TMEM132B: variants seen among roughly 807,000 people sequenced by gnomAD.
TMEM132B encodes the protein transmembrane protein 132B.
Under a neutral mutation model 90.8 loss-of-function variants are expected in TMEM132B, and 18 were observed. The observed-to-expected ratio is 0.20, with a 90% CI of 0.14 to 0.29. TMEM132B has a LOEUF of 0.29. Ranked by LOEUF, TMEM132B falls within the 10% of genes least tolerant of loss-of-function variation. The probability of loss-of-function intolerance (pLI) is 1.00; values close to 1 mark genes in which losing one functional copy is unlikely to be tolerated. For synonymous variants in TMEM132B, 504 were observed against 523.3 expected (o/e 0.96, Z 0.50); for missense variants, 1,096 against 1,326.8 (o/e 0.83, Z 2.70).
At chr12:125,375,536 T>C (rs1208124982) in intron 2 of TMEM132B, among the ~76,000 whole-genome samples, 1 of 152,232 alleles carries the variant, frequency 6.6e-6, no homozygotes, top group Non-Finnish European at 1.5e-5. Context: ...ATGAAAAAGT[T>C]ACATCAGGAT....
chr12:125,309,824 C>T (rs925657423), intron 1 of TMEM132B, among the ~76,000 whole-genome samples: 2 of 152,210 alleles, frequency 1.3e-5, no homozygotes, highest in African/African-American at 4.8e-5. Context: ...ATTTATTTTG[C>T]TCACTAGTTT....
At chr12:125,367,332 G>A (rs570721439) in intron 2 of TMEM132B, among the ~76,000 whole-genome samples, 3 of 152,180 alleles carry the variant, frequency 2.0e-5, no homozygotes, top group African/African-American at 7.2e-5. Context: ...GTTTCAGCAG[G>A]CAATTAATTT....
intron 1 of TMEM132B, among the ~76,000 whole-genome samples, chr12:125,192,392 AC>A (rs1477616659): frequency 6.6e-6 from 1 of 152,156 alleles, no homozygotes; most frequent in Non-Finnish European, 1.5e-5. Context: ...GCTGATTTGC[AC>A]CCAAGGGATT....
chr12:125,216,224 T>C (rs1260327719), intron 1 of TMEM132B, among the ~76,000 whole-genome samples: 4 of 152,152 alleles, frequency 2.6e-5, no homozygotes, highest in South Asian at 2.1e-4. Context: ...TGGTGAGGGC[T>C]CCCTTCCTGG....
intron 3 of TMEM132B, among the ~76,000 whole-genome samples, chr12:125,501,617 A>G (rs1359031007): frequency 6.6e-6 from 1 of 152,004 alleles, no homozygotes; most frequent in Non-Finnish European, 1.5e-5. Context: ...CTTGTAAGTG[A>G]GAACAGGACA....
At chr12:125,523,132 G>C (rs1478801540) in intron 4 of TMEM132B, among the ~76,000 whole-genome samples, 1 of 152,168 alleles carries the variant, frequency 6.6e-6, no homozygotes, top group Admixed American at 6.5e-5. Context: ...GAGAGCTCTT[G>C]CTTGCCATAT....
At chr12:125,291,546 G>A (rs1212412372) in intron 1 of TMEM132B, among the ~76,000 whole-genome samples, 1 of 152,168 alleles carries the variant, frequency 6.6e-6, no homozygotes, top group Non-Finnish European at 1.5e-5. Context: ...GCCCCTGGCT[G>A]ACAGTCAGCA....
intron 5 of TMEM132B, among the ~76,000 whole-genome samples, chr12:125,595,912 A>G (rs1885428668): frequency 6.6e-6 from 1 of 151,294 alleles, no homozygotes; most frequent in Non-Finnish European, 1.5e-5. Context: ...TCCACAAACT[A>G]ACTTTACCCT....
At chr12:125,463,256 C>T (rs1377813836) in intron 3 of TMEM132B, among the ~76,000 whole-genome samples, 1 of 152,174 alleles carries the variant, frequency 6.6e-6, no homozygotes, top group Non-Finnish European at 1.5e-5. Context: ...TCATAGTCCT[C>T]TGTTAGCTGA....
chr12:125,230,461 A>G (rs1178126910), intron 1 of TMEM132B, among the ~76,000 whole-genome samples: 7 of 151,142 alleles, frequency 4.6e-5, no homozygotes, highest in African/African-American at 1.5e-4. Flanking sequence ...GGGCCCAGGC[A>G]TCTGTGGTTT....
intron 5 of TMEM132B, among the ~76,000 whole-genome samples, chr12:125,609,864 ACTT>A (rs1356538155): frequency 6.8e-6 from 1 of 147,548 alleles, no homozygotes; most frequent in African/African-American, 2.5e-5. Context: ...GATCTTTTGA[ACTT>A]TGATTCTGAG....
rs1225841017 is a variant in TMEM132B, at chr12:125,458,867, A to G, written c.1106+43190A>G. Among the ~76,000 whole-genome samples, 1 of 152,138 alleles carries G rather than the reference A, an allele frequency of 6.6e-6. No individual in the cohort carries two copies. Among genetic ancestry groups the G allele is most frequent in the Non-Finnish European group, 1.5e-5 (1 of 68,024 alleles). ...GTCATCACTTGACCTGGCTGTCTTTATTTTAGTTCCATGCTATGACACTCC... is the reference window on the plus strand; with the variant it reads ...GTCATCACTTGACCTGGCTGTCTTTGTTTTAGTTCCATGCTATGACACTCC... On this transcript the variant is annotated intron_variant, in intron 3 of 8. Transcript: ENST00000682704. This position sits in a 1 kb window ranked among gnomAD's most constrained non-coding sequence, Gnocchi z 4.9.
chr12:125,470,137 C>G (rs780371976), intron 3 of TMEM132B, among the ~76,000 whole-genome samples: 1 of 152,188 alleles, frequency 6.6e-6, no homozygotes, highest in East Asian at 1.9e-4. Context: ...CCAGCCATGA[C>G]GGGCCTGCTT....
At chr12:125,228,683 A>C (rs548707320) in intron 1 of TMEM132B, among the ~76,000 whole-genome samples, 8 of 152,276 alleles carry the variant, frequency 5.3e-5, no homozygotes, top group African/African-American at 1.9e-4. Context: ...TGCTCTCTGC[A>C]GCAGACGTCA....
At chr12:125,394,459 G>T (rs1222901281) in intron 2 of TMEM132B, among the ~76,000 whole-genome samples, 2 of 152,228 alleles carry the variant, frequency 1.3e-5, no homozygotes, top group Non-Finnish European at 2.9e-5. Flanking sequence ...GTGACATGGA[G>T]AGACACTCGG....
intron 1 of TMEM132B, among the ~76,000 whole-genome samples, chr12:125,276,310 C>T (rs987144625): frequency 1.5e-4 from 23 of 152,202 alleles, no homozygotes; most frequent in African/African-American, 4.1e-4. Flanking sequence ...GATCTCTGCA[C>T]GACAGAGGTG....
chr12:125,378,118 G>A (rs762442228), intron 2 of TMEM132B, among the ~76,000 whole-genome samples: 1 of 152,142 alleles, frequency 6.6e-6, no homozygotes, highest in Non-Finnish European at 1.5e-5. Flanking sequence ...TGAGTATGGA[G>A]TGATGGGCCG....
At chr12:125,254,115 C>G (rs1341788259) in intron 1 of TMEM132B, among the ~76,000 whole-genome samples, 1 of 152,046 alleles carries the variant, frequency 6.6e-6, no homozygotes, top group African/African-American at 2.4e-5. Flanking sequence ...CATAGTGAGA[C>G]CCCATCTCTA....
At chr12:125,428,926 G>A (rs1057259725) in intron 3 of TMEM132B, among the ~76,000 whole-genome samples, 23 of 152,020 alleles carry the variant, frequency 1.5e-4, no homozygotes, top group African/African-American at 5.3e-4. Flanking sequence ...AGGGGTGTGC[G>A]GTCTTCACCC....
Sources: allele counts gnomAD v4.1 joint callset (sites outside exome capture counted in the v4.1 genomes callset), GRCh38; gene constraint gnomAD v4.1.1; non-coding constraint Gnocchi (gnomAD v3.1); transcripts MANE v1.5; gene names NCBI Gene and HGNC (gene_info 2026-07-23, HGNC 2026-07-21).